C6orf52: variants seen among roughly 807,000 people sequenced by gnomAD.
C6orf52 encodes the protein chromosome 6 open reading frame 52.
In C6orf52, 16 loss-of-function variants were observed where a neutral mutation model predicts 16.6. That is an observed-to-expected ratio of 0.96 (90% CI 0.65 to 1.46). C6orf52 has a LOEUF of 1.46. Ranked by LOEUF, C6orf52 falls within the 40% of genes most tolerant of loss-of-function variation. The pLI, the probability that C6orf52 is intolerant of heterozygous loss-of-function variation, is 0.00. For missense variants in C6orf52, 166 were observed against 182.3 expected (o/e 0.91, Z 0.52); for synonymous variants, 53 against 61.4 (o/e 0.86, Z 0.64).
intron 4 of C6orf52, among the ~76,000 whole-genome samples, chr6:10,682,768 G>A (rs1768512062): frequency 6.6e-6 from 1 of 152,106 alleles, no homozygotes; most frequent in Non-Finnish European, 1.5e-5. Context: ...AGAAGTACAG[G>A]AAGCACCACC....
chr6:10,689,144 A>C (rs574693871), intron 1 of C6orf52, among the ~76,000 whole-genome samples: 15 of 152,182 alleles, frequency 9.9e-5, no homozygotes, highest in African/African-American at 3.6e-4. Context: ...CGCCTGGCTA[A>C]TTTTTAGTAG....
At chr6:10,691,418 G>C (rs1339082388) in intron 1 of C6orf52, among the ~76,000 whole-genome samples, 1 of 152,056 alleles carries the variant, frequency 6.6e-6, no homozygotes, top group Non-Finnish European at 1.5e-5. Flanking sequence ...TGACTGGGGG[G>C]CTGCATGCAC....
At chr6:10,672,517 C>A in intron 4 of C6orf52, 1 of 681,136 alleles carries the variant, frequency 1.5e-6, no homozygotes, top group South Asian at 1.6e-5. Flanking sequence ...TTATAAAAAG[C>A]GACAGCAGGC....
At chr6:10,691,790 C>T (rs1002975684) in intron 1 of C6orf52, among the ~76,000 whole-genome samples, 2 of 152,096 alleles carry the variant, frequency 1.3e-5, no homozygotes, top group Non-Finnish European at 2.9e-5. Flanking sequence ...TTGTCTAAGT[C>T]CTCTGAGCTC....
chr6:10,677,510 A>T, intron 4 of C6orf52, among the ~76,000 whole-genome samples: 1 of 147,664 alleles, frequency 6.8e-6, no homozygotes. Flanking sequence ...TTGTGATTCC[A>T]TACAAATTAT....
intron 1 of C6orf52, among the ~76,000 whole-genome samples, chr6:10,694,028 G>C (rs1204254529): frequency 6.6e-6 from 1 of 152,178 alleles, no homozygotes; most frequent in African/African-American, 2.4e-5. Context: ...GGGAGGTCGA[G>C]GCAAGCGGAT....
At chr6:10,684,036 C>A (rs1475344704) in intron 3 of C6orf52, among the ~76,000 whole-genome samples, 1 of 152,210 alleles carries the variant, frequency 6.6e-6, no homozygotes, top group Non-Finnish European at 1.5e-5. Flanking sequence ...CTTTTCTTTT[C>A]AGTCTATCTG....
intron 4 of C6orf52, among the ~76,000 whole-genome samples, chr6:10,675,695 C>T (rs534825792): frequency 9.2e-5 from 14 of 152,292 alleles, no homozygotes; most frequent in South Asian, 4.1e-4. Flanking sequence ...TGTTATCTTT[C>T]GTCTTTTTGA....
chr6:10,691,244 C>T (rs758133286), intron 1 of C6orf52, among the ~76,000 whole-genome samples: 18 of 152,166 alleles, frequency 1.2e-4, no homozygotes, highest in Non-Finnish European at 2.2e-4. Flanking sequence ...CCTCAGCCAG[C>T]GAGTTTAAGA....
chr6:10,693,230 G>C (rs1342189697), intron 1 of C6orf52, among the ~76,000 whole-genome samples: 1 of 152,168 alleles, frequency 6.6e-6, no homozygotes, highest in Non-Finnish European at 1.5e-5. Flanking sequence ...CAACCCAAAG[G>C]CGTAAGGGAC....
At chr6:10,694,260 C>CAAA (rs57435593) in intron 1 of C6orf52, among the ~76,000 whole-genome samples, 6 of 62,464 alleles carry the variant, frequency 9.6e-5, no homozygotes, top group Admixed American at 1.8e-4. Flanking sequence ...AACTCCGTCT[C>CAAA]AAAAAAAAAA....
At chr6:10,675,960 C>T (rs111867201) in intron 4 of C6orf52, among the ~76,000 whole-genome samples, 7,058 of 152,044 alleles carry the variant, frequency 0.046, 538 homozygotes, top group African/African-American at 0.15. Context: ...GGTGAAACCC[C>T]GTCTCTACTA....
chr6:10,673,198 G>A (rs988907092), intron 4 of C6orf52, among the ~76,000 whole-genome samples: 1 of 152,198 alleles, frequency 6.6e-6, no homozygotes, highest in Admixed American at 6.5e-5. Context: ...GTCCCTGACT[G>A]CATGCCCCTG....
At chr6:10,691,237 C>A (rs1374461815) in intron 1 of C6orf52, among the ~76,000 whole-genome samples, 1 of 152,198 alleles carries the variant, frequency 6.6e-6, no homozygotes, top group Non-Finnish European at 1.5e-5. Flanking sequence ...CAAAACCCCT[C>A]AGCCAGCGAG....
At position 10,686,964 on chromosome 6, in the gene C6orf52, A is replaced by C; in HGVS notation, c.270+2T>G. ...CACAAGATTCATTCTAGCAAGGGAT[A>C]CCTTAGGCATAACCAGAGTTCCAGC... On this transcript the variant is annotated splice_donor_variant, in intron 3 of 4. Coordinates refer to ENST00000259983, the MANE Select transcript of C6orf52 (RefSeq NM_001145020.3). LOFTEE classifies it high-confidence loss of function. 6.5e-7 allele frequency: 1 copy of C among 1,536,040 alleles called. No individual in the cohort carries two copies. The highest frequency in any genetic ancestry group is 1.2e-5 in the South Asian group (1 of 82,318).
At chr6:10,683,827 C>A (rs1172306768) in intron 3 of C6orf52, among the ~76,000 whole-genome samples, 1 of 152,200 alleles carries the variant, frequency 6.6e-6, no homozygotes, top group Non-Finnish European at 1.5e-5. Flanking sequence ...TTGGTTAACC[C>A]AGACCCTGTT....
intron 4 of C6orf52, among the ~76,000 whole-genome samples, chr6:10,675,840 C>A (rs1767825843): frequency 6.6e-6 from 1 of 152,056 alleles, no homozygotes; most frequent in Non-Finnish European, 1.5e-5. Context: ...TGAGAAATGT[C>A]TTAAAAAATG....
intron 3 of C6orf52, among the ~76,000 whole-genome samples, chr6:10,685,308 A>G (rs757577831): frequency 6.6e-6 from 1 of 151,472 alleles, no homozygotes; most frequent in African/African-American, 2.4e-5. Context: ...TTTTTTTTTA[A>G]GTGCTGCAAT....
At chr6:10,676,887 G>A (rs1017255534) in intron 4 of C6orf52, among the ~76,000 whole-genome samples, 3 of 152,102 alleles carry the variant, frequency 2.0e-5, no homozygotes, top group Admixed American at 1.3e-4. Flanking sequence ...GCAAGACGAC[G>A]AACCCTGGGT....
Sources: gnomAD v4.1 joint callset for allele counts (sites outside exome capture counted in the v4.1 genomes callset) on GRCh38, gnomAD v4.1.1 for gene constraint, MANE v1.5 for transcripts, NCBI Gene and HGNC (gene_info 2026-07-23, HGNC 2026-07-21) for gene names.